The following CNTN4 variants were observed in gnomAD, a reference collection of about 807,000 sequenced individuals.
The protein encoded by CNTN4 is contactin-4.
CNTN4 carries 77 observed loss-of-function variants against 122.5 expected under a neutral mutation model. That is an observed-to-expected ratio of 0.63 (90% CI 0.52 to 0.76). The LOEUF is 0.76. CNTN4 is among the 30% of genes least tolerant of loss of function. The pLI, the probability that CNTN4 is intolerant of heterozygous loss-of-function variation, is 0.00. For missense variants in CNTN4, 1,256 were observed against 1,259.1 expected (o/e 1.00, Z 0.04); for synonymous variants, 512 against 447.0 (o/e 1.15, Z -1.83).
In CNTN4 at chr3:2,293,348, C is replaced by T. The variant is rs2042199199; in HGVS notation, c.-144-45830C>T. Among the ~76,000 whole-genome samples, 3 of 152,136 alleles carry T rather than the reference C, an allele frequency of 2.0e-5. No individual in the cohort carries two copies. The South Asian group carries it at 6.2e-4, about 32-fold the overall frequency. ...CACAGTGCCAGACACATAGTAATCA[C>T]TTTATATAAAATGTTAACTATTATT... On this transcript the variant is annotated intron_variant, in intron 2 of 24. Transcript: ENST00000418658.
chr3:2,262,444 T>A (rs1399174390), intron 2 of CNTN4: 2 of 152,134 alleles, frequency 1.3e-5, no homozygotes, highest in Non-Finnish European at 2.9e-5. Context: ...AGGCAAACAG[T>A]CCATGTAGGT....
At chr3:2,555,663 G>A (rs1413476641) in intron 3 of CNTN4, among the ~76,000 whole-genome samples, 1 of 152,134 alleles carries the variant, frequency 6.6e-6, no homozygotes, top group Admixed American at 6.6e-5. Flanking sequence ...CAGGTACAAA[G>A]GTAAGGAGAC....
chr3:2,392,136 C>T (rs75449454), intron 3 of CNTN4, among the ~76,000 whole-genome samples: 3,221 of 152,290 alleles, frequency 0.021, 113 homozygotes, highest in African/African-American at 0.073. Context: ...GATCCTGCCA[C>T]ACTGTCTCTC....
At chr3:2,681,845 G>T (rs1321746110) in intron 4 of CNTN4, among the ~76,000 whole-genome samples, 1 of 151,792 alleles carries the variant, frequency 6.6e-6, no homozygotes, top group East Asian at 1.9e-4. Flanking sequence ...CTAAAATACT[G>T]CTTAATTACT....
chr3:2,708,822 A>G (rs2086916214), intron 4 of CNTN4, among the ~76,000 whole-genome samples: 2 of 152,202 alleles, frequency 1.3e-5, no homozygotes, highest in Admixed American at 1.3e-4. Context: ...TTATTATTCT[A>G]TAATAAGTAC....
intron 2 of CNTN4, among the ~76,000 whole-genome samples, chr3:2,165,780 G>C (rs373552065): frequency 6.6e-6 from 1 of 151,990 alleles, no homozygotes; most frequent in East Asian, 1.9e-4. Flanking sequence ...GTGAGATCAC[G>C]CAGTATTTTT....
intron 14 of CNTN4, among the ~76,000 whole-genome samples, chr3:3,019,805 CAT>C (rs71058665): frequency 0.01 from 1,381 of 135,928 alleles, 24 homozygotes; most frequent in African/African-American, 0.035. Context: ...TATACACATG[CAT>C]ATATATATAC....
At chr3:2,375,476 C>T (rs2045782061) in intron 3 of CNTN4, among the ~76,000 whole-genome samples, 1 of 152,120 alleles carries the variant, frequency 6.6e-6, no homozygotes, top group Non-Finnish European at 1.5e-5. Flanking sequence ...CATAATATGA[C>T]AGCCTAAGCT....
chr3:3,007,623 T>C (rs748014112), intron 14 of CNTN4, among the ~76,000 whole-genome samples: 10 of 152,208 alleles, frequency 6.6e-5, no homozygotes, highest in Non-Finnish European at 1.5e-4. Context: ...GTGAATAAAA[T>C]GTATGCTTGT....
At chr3:2,857,055 T>C (rs1172064224) in intron 7 of CNTN4, among the ~76,000 whole-genome samples, 1 of 152,138 alleles carries the variant, frequency 6.6e-6, no homozygotes, top group East Asian at 1.9e-4. Flanking sequence ...CTCTATGGAA[T>C]TCGAATCCAC....
At chr3:2,149,981 T>C (rs752570183) in intron 2 of CNTN4, among the ~76,000 whole-genome samples, 8 of 151,342 alleles carry the variant, frequency 5.3e-5, no homozygotes, top group Non-Finnish European at 1.0e-4. Context: ...TTTTTTTTTT[T>C]CTGTATTATA....
intron 5 of CNTN4, among the ~76,000 whole-genome samples, chr3:2,745,012 C>T (rs1367662249): frequency 6.6e-6 from 1 of 152,126 alleles, no homozygotes; most frequent in Non-Finnish European, 1.5e-5. Context: ...AGCTCAAGAT[C>T]AATAGTTCCT....
intron 4 of CNTN4, among the ~76,000 whole-genome samples, chr3:2,616,499 T>C (rs1293678413): frequency 6.6e-6 from 1 of 152,170 alleles, no homozygotes; most frequent in Non-Finnish European, 1.5e-5. Flanking sequence ...TACCCAGTAA[T>C]GGGATTGCTG....
At chr3:2,132,044 C>A (rs949110542) in intron 2 of CNTN4, among the ~76,000 whole-genome samples, 2 of 152,188 alleles carry the variant, frequency 1.3e-5, no homozygotes, top group East Asian at 3.9e-4. Flanking sequence ...TGCATAACTT[C>A]TGTGGCCAAG....
At chr3:3,045,891 A>T (rs965689400) in intron 23 of CNTN4, among the ~76,000 whole-genome samples, 2 of 152,224 alleles carry the variant, frequency 1.3e-5, no homozygotes, top group Non-Finnish European at 2.9e-5. Flanking sequence ...AAAAGGTTAG[A>T]CAAATGGCTA....
chr3:3,033,644 T>G (rs1699367908), intron 16 of CNTN4, among the ~76,000 whole-genome samples: 1 of 152,212 alleles, frequency 6.6e-6, no homozygotes, highest in African/African-American at 2.4e-5. Context: ...TTTGTCATTA[T>G]GTCCCCTCAC....
intron 3 of CNTN4, among the ~76,000 whole-genome samples, chr3:2,387,397 C>T (rs887798946): frequency 1.3e-5 from 2 of 149,502 alleles, no homozygotes; most frequent in African/African-American, 4.9e-5. Context: ...AATAAGTGTA[C>T]AGCACTTGCT....
At chr3:2,928,743 T>C (rs2094494881) in intron 13 of CNTN4, among the ~76,000 whole-genome samples, 2 of 152,344 alleles carry the variant, frequency 1.3e-5, no homozygotes, top group South Asian at 4.1e-4. Flanking sequence ...TGAAAGACTT[T>C]GCTAAACTCT....
chr3:2,486,810 A>C (rs779154076), intron 3 of CNTN4, among the ~76,000 whole-genome samples: 1 of 152,232 alleles, frequency 6.6e-6, no homozygotes, highest in Non-Finnish European at 1.5e-5. Flanking sequence ...TAGATTGGTC[A>C]TGTTACCAGA....
Sources: gnomAD v4.1 joint callset for allele counts (sites outside exome capture counted in the v4.1 genomes callset) on GRCh38, gnomAD v4.1.1 for gene constraint, MANE v1.5 for transcripts, NCBI Gene and HGNC (gene_info 2026-07-23, HGNC 2026-07-21) for gene names.